Variants in MALRD1 observed in about 807,000 individuals in gnomAD.
The protein encoded by MALRD1 is MAM and LDL receptor class A domain containing 1.
MALRD1 carries 247 observed loss-of-function variants against 242.1 expected under a neutral mutation model. The observed-to-expected ratio is 1.02, with a 90% CI of 0.92 to 1.13. The LOEUF (loss-of-function observed/expected upper bound fraction) is 1.13, where lower values mean the gene tolerates loss of function less well. Ranked by LOEUF, MALRD1 falls within the 50% of genes most tolerant of loss-of-function variation. The pLI is 0.00. For missense variants in MALRD1, 2,989 were observed against 2,533.1 expected, an observed-to-expected ratio of 1.18 and a Z score of -3.86; for synonymous variants, 995 against 866.6, an observed-to-expected ratio of 1.15 and a Z score of -2.60.
chr10:19,192,192 G>A (rs529288263), intron 14 of MALRD1, among the ~76,000 whole-genome samples: 86 of 152,206 alleles, frequency 5.7e-4, no homozygotes, highest in African/African-American at 1.6e-3. Context: ...AGAAAGGAGT[G>A]GATAATTCTT....
intron 26 of MALRD1, among the ~76,000 whole-genome samples, chr10:19,377,847 A>G (rs1462080823): frequency 1.3e-5 from 2 of 152,142 alleles, no homozygotes; most frequent in Non-Finnish European, 2.9e-5. Context: ...ATAATGAAAT[A>G]TAATTTCCTT....
At chr10:19,142,165 C>G (rs7477141) in intron 10 of MALRD1, among the ~76,000 whole-genome samples, 1 of 70,254 alleles carries the variant, frequency 1.4e-5, no homozygotes, top group Non-Finnish European at 2.5e-5. Context: ...GAGCGAGACT[C>G]TAACTCAAAA....
At chr10:19,065,241 C>T (rs531009883) in intron 1 of MALRD1, among the ~76,000 whole-genome samples, 23 of 133,458 alleles carry the variant, frequency 1.7e-4, no homozygotes, top group Non-Finnish European at 2.6e-4. Context: ...GAGCCAAGAT[C>T]GTGCCATTGG....
chr10:19,209,411 A>G lies in MALRD1; in HGVS notation c.2722A>G (p.Lys908Glu). The G allele has an allele frequency of 6.4e-7, 1 of 1,551,068 alleles. No individual in the cohort carries two copies. Among genetic ancestry groups the G allele is most frequent in the Non-Finnish European group, 8.7e-7 (1 of 1,147,098 alleles). The stretch of plus-strand genomic sequence containing the variant: ...GAAAGATAACACTCTGGGCACAGCT[A>G]AAGGACACTATCTCTACATAGAATC... The part of the protein sequence containing the change: ...PMKDNTLGTA[K>E]GHYLYIESSE... Residue 908 changes from lysine to glutamate, a missense_variant, in exon 18 of 40, where the codon AAA (lysine) becomes GAA (glutamate). Transcript: ENST00000454679.
chr10:19,555,571 T>C (rs1035656023), intron 32 of MALRD1, among the ~76,000 whole-genome samples: 2 of 152,106 alleles, frequency 1.3e-5, no homozygotes, highest in Non-Finnish European at 2.9e-5. Flanking sequence ...AATGTAACCT[T>C]ATGCTAGAGC....
At chr10:19,493,637 G>A (rs1444717803) in intron 30 of MALRD1, among the ~76,000 whole-genome samples, 3 of 140,622 alleles carry the variant, frequency 2.1e-5, no homozygotes, top group Non-Finnish European at 3.0e-5. Flanking sequence ...GTGAAACCCC[G>A]TCTCTACTAA....
At position 19,202,024 on chromosome 10, in the gene MALRD1, C is replaced by G. The variant is rs562364491; in HGVS notation, c.1952-1704C>G. The stretch of plus-strand genomic sequence containing the variant: ...AGAGACGGGGTTTCACCATATTGGC[C>G]AGGATGGTCTCGATCTCTTGACCTT... On this transcript the variant is annotated intron_variant, in intron 14 of 39. Transcript: ENST00000454679. Among the ~76,000 whole-genome samples, 31 of 152,128 alleles carry G rather than the reference C, an allele frequency of 2.0e-4. No homozygotes were observed. The East Asian group carries it at 4.7e-3, about 23-fold the overall frequency.
At chr10:19,221,760 G>T (rs1032028811) in intron 18 of MALRD1, among the ~76,000 whole-genome samples, 1 of 151,938 alleles carries the variant, frequency 6.6e-6, no homozygotes, top group African/African-American at 2.4e-5. Context: ...AATTACAGTA[G>T]AATATTATTA....
intron 25 of MALRD1, among the ~76,000 whole-genome samples, chr10:19,351,620 T>C (rs1476355067): frequency 6.6e-6 from 1 of 152,232 alleles, no homozygotes; most frequent in East Asian, 1.9e-4. Flanking sequence ...CTTCTTTTGT[T>C]CCTGTTATTT....
intron 29 of MALRD1, among the ~76,000 whole-genome samples, chr10:19,475,496 A>C (rs555549631): frequency 6.6e-6 from 1 of 152,328 alleles, no homozygotes; most frequent in South Asian, 2.1e-4. Context: ...ATATAAGGTA[A>C]AAATATTAAT....
chr10:19,289,215 C>T (rs1242449380), intron 21 of MALRD1, among the ~76,000 whole-genome samples: 2 of 152,072 alleles, frequency 1.3e-5, no homozygotes, highest in African/African-American at 2.4e-5. Context: ...TAGAATTTCA[C>T]ATATAAGTGG....
At chr10:19,099,561 C>G (rs1304475642) in intron 4 of MALRD1, among the ~76,000 whole-genome samples, 1 of 151,984 alleles carries the variant, frequency 6.6e-6, no homozygotes, top group Non-Finnish European at 1.5e-5. Context: ...CTATGATCCA[C>G]TTTTATTTTG....
At chr10:19,604,731 C>G (rs1440865954) in intron 34 of MALRD1, among the ~76,000 whole-genome samples, 2 of 152,132 alleles carry the variant, frequency 1.3e-5, no homozygotes, top group African/African-American at 4.8e-5. Flanking sequence ...CCTGGCTTAA[C>G]TAAAAACTAA....
chr10:19,052,786 T>G (rs1834547810), intron 1 of MALRD1, among the ~76,000 whole-genome samples: 1 of 152,194 alleles, frequency 6.6e-6, no homozygotes, highest in Admixed American at 6.5e-5. Context: ...TGCCCTTGGC[T>G]GAAGCATAGG....
chr10:19,197,685 T>G (rs1836325514), intron 14 of MALRD1, among the ~76,000 whole-genome samples: 1 of 152,192 alleles, frequency 6.6e-6, no homozygotes, highest in Non-Finnish European at 1.5e-5. Flanking sequence ...CTATAAAGTC[T>G]TCCTTGATCA....
In MALRD1 at chr10:19,123,594, G is replaced by A. The variant is rs1008083720; in HGVS notation, c.796+1G>A. ...GATGCTACAGATGAAGAGTTGAGAT[G>A]TAAGTGTTAAATTGAGATATTCACT... On this transcript the variant is annotated splice_donor_variant, in intron 6 of 39. Coordinates refer to ENST00000454679, the MANE Select transcript of MALRD1 (RefSeq NM_001142308.3). LOFTEE classifies it high-confidence loss of function. 1.9e-5 allele frequency: 23 copies of A among 1,229,578 alleles called. No individual in the cohort carries two copies. Among genetic ancestry groups the A allele is most frequent in the Admixed American group, 8.4e-5 (2 of 23,696 alleles). 76.2% of individuals were successfully genotyped at this position (1,229,578 alleles called of 1,614,324 possible).
At chr10:19,205,640 T>C (rs1836750203) in intron 17 of MALRD1, among the ~76,000 whole-genome samples, 1 of 152,180 alleles carries the variant, frequency 6.6e-6, no homozygotes, top group East Asian at 1.9e-4. Flanking sequence ...TTCTAGACAT[T>C]GGGACTTAGA....
At position 19,707,850 on chromosome 10, in the gene MALRD1, G is replaced by C. The variant is rs1833938869; in HGVS notation, c.6314+15296G>C. 1.7e-5 allele frequency among the ~76,000 whole-genome samples: 2 copies of C among 120,022 alleles called. 1 individual carries two copies. Among genetic ancestry groups the C allele is most frequent in the Non-Finnish European group, 3.8e-5 (2 of 52,726 alleles). 78.7% of individuals were successfully genotyped at this position (120,022 alleles called of 152,430 possible). Reference sequence around the variant, plus strand: ...GCATGGTGGCATGCACCAGCTACTTGGGGGCCTGAGGCAGGAGAATCGCTT... The same window carrying C: ...GCATGGTGGCATGCACCAGCTACTTCGGGGCCTGAGGCAGGAGAATCGCTT... On this transcript the variant is annotated intron_variant, in intron 38 of 39. Transcript: ENST00000454679.
At chr10:19,575,766 A>G (rs1346960403) in intron 33 of MALRD1, among the ~76,000 whole-genome samples, 4 of 152,296 alleles carry the variant, frequency 2.6e-5, no homozygotes, top group African/African-American at 7.2e-5. Flanking sequence ...AGCAAGTTCT[A>G]TAAATGTTGC....
Sources: gnomAD v4.1 joint callset for allele counts (sites outside exome capture counted in the v4.1 genomes callset) on GRCh38, gnomAD v4.1.1 for gene constraint, MANE v1.5 for transcripts, NCBI Gene and HGNC (gene_info 2026-07-23, HGNC 2026-07-21) for gene names.